The following DAB1 variants were observed in gnomAD, a reference collection of about 807,000 sequenced individuals.
DAB1 encodes DAB adaptor protein 1.
In DAB1, 15 loss-of-function variants were observed where a neutral mutation model predicts 64.6. That is an observed-to-expected ratio of 0.23 (90% CI 0.16 to 0.36). The LOEUF (loss-of-function observed/expected upper bound fraction) is 0.36. Among genes scored for constraint, DAB1 ranks in the 10% least tolerant of loss-of-function variants. The pLI, the probability that DAB1 is intolerant of heterozygous loss-of-function variation, is 1.00. For missense variants in DAB1, 596 were observed against 706.7 expected (o/e 0.84, Z 1.78); for synonymous variants, 235 against 251.9 (o/e 0.93, Z 0.64).
chr1:57,410,255 CT>C (rs1684000782), intron 1 of DAB1, among the ~76,000 whole-genome samples: 1 of 152,100 alleles, frequency 6.6e-6, no homozygotes, highest in Non-Finnish European at 1.5e-5. Flanking sequence ...TCCCCCTCTA[CT>C]GTAAAAAAAG....
intron 2 of DAB1, among the ~76,000 whole-genome samples, chr1:57,234,734 G>A (rs1667965620): frequency 6.6e-6 from 1 of 152,092 alleles, no homozygotes; most frequent in Non-Finnish European, 1.5e-5. Flanking sequence ...GCTCTTACCT[G>A]GAGGCTCTGA....
intron 1 of DAB1, among the ~76,000 whole-genome samples, chr1:57,331,831 A>G (rs1177277169): frequency 5.3e-5 from 8 of 152,178 alleles, no homozygotes; most frequent in Non-Finnish European, 1.2e-4. Flanking sequence ...AGCCACTTTG[A>G]GCTCATAAAG....
At chr1:58,463,383 AGAAG>A (rs1229196030) in intron 3 of DAB1, among the ~76,000 whole-genome samples, 3 of 152,184 alleles carry the variant, frequency 2.0e-5, no homozygotes, top group African/African-American at 7.2e-5. Context: ...GGCTCCAAGG[AGAAG>A]GTGTGAACCT....
intron 3 of DAB1, among the ~76,000 whole-genome samples, chr1:58,500,189 AT>A (rs913160544): frequency 2.0e-5 from 3 of 151,998 alleles, no homozygotes; most frequent in Non-Finnish European, 2.9e-5. Context: ...GCACCATAAT[AT>A]TTTTTTTAAG....
intron 6 of DAB1, among the ~76,000 whole-genome samples, chr1:57,670,947 A>G (rs560274104): frequency 6.6e-6 from 1 of 152,172 alleles, no homozygotes; most frequent in South Asian, 2.1e-4. Context: ...TGTAACCTAC[A>G]GGCATCCTCC....
chr1:58,297,338 G>T (rs1427236764), intron 4 of DAB1, among the ~76,000 whole-genome samples: 1 of 152,166 alleles, frequency 6.6e-6, no homozygotes, highest in Admixed American at 6.6e-5. Flanking sequence ...AAATTCAAGT[G>T]TACATAAGGC....
At chr1:58,043,302 A>G (rs941596685) in intron 5 of DAB1, among the ~76,000 whole-genome samples, 2 of 152,256 alleles carry the variant, frequency 1.3e-5, no homozygotes, top group African/African-American at 4.8e-5. Flanking sequence ...GTCAAGTAAT[A>G]TAATTTCATA....
chr1:58,466,127 AC>A (rs1183685410), intron 3 of DAB1, among the ~76,000 whole-genome samples: 21 of 151,820 alleles, frequency 1.4e-4, no homozygotes, highest in Non-Finnish European at 2.8e-4. Flanking sequence ...GCCCCTGGCC[AC>A]CCCCAGCCAA....
chr1:57,979,756 CT>C (rs1267472265), intron 5 of DAB1, among the ~76,000 whole-genome samples: 1 of 152,128 alleles, frequency 6.6e-6, no homozygotes, highest in Non-Finnish European at 1.5e-5. Context: ...TTTTACTCAT[CT>C]GTAAAATGGG....
At chr1:58,055,995 C>A (rs1648044236) in intron 5 of DAB1, 1 of 681,328 alleles carries the variant, frequency 1.5e-6, no homozygotes, top group Admixed American at 2.3e-5. Context: ...GCCTCGGCCT[C>A]ACACAGTGCT....
Position 57,738,223 on chromosome 1 carries a change from T to C in DAB1, n.552-88558A>G, listed in dbSNP as rs1327106299. Among the ~76,000 whole-genome samples the C allele has an allele frequency of 2.0e-5, 3 of 152,348 alleles. No individual in the cohort carries two copies. The East Asian group carries it at 5.8e-4, about 29-fold the overall frequency. On this transcript the variant is annotated intron_variant and non_coding_transcript_variant, in intron 6 of 20. Transcript: ENST00000485760. ...AGGTAGAAAACAGAGACTTGAGTAT[T>C]ACAGACTCTTTTGAAGGTAGGAAGT...
chr1:57,427,026 G>T (rs992101973), upstream of DAB1, among the ~76,000 whole-genome samples: 2 of 151,594 alleles, frequency 1.3e-5, no homozygotes, highest in African/African-American at 4.9e-5. Flanking sequence ...ACCGCTCCCG[G>T]CTAATTTTTT....
intron 4 of DAB1, among the ~76,000 whole-genome samples, chr1:58,150,834 C>T (rs967516011): frequency 2.4e-4 from 37 of 152,116 alleles, no homozygotes; most frequent in Middle Eastern, 6.8e-3. Context: ...GCTTTCCCTC[C>T]CCCCACCGTC....
intron 6 of DAB1, among the ~76,000 whole-genome samples, chr1:57,686,577 A>C (rs1646700387): frequency 6.6e-6 from 1 of 152,168 alleles, no homozygotes; most frequent in Admixed American, 6.5e-5. Flanking sequence ...TCTGATGCCA[A>C]AATCTGTCAG....
chr1:57,625,043 G>A (rs1335569488), intron 7 of DAB1, among the ~76,000 whole-genome samples: 2 of 152,032 alleles, frequency 1.3e-5, no homozygotes, highest in East Asian at 1.9e-4. Flanking sequence ...ACAAGTCAAA[G>A]CCCCCTGCAT....
At chr1:58,509,869 T>C (rs1326095108) in intron 2 of DAB1, among the ~76,000 whole-genome samples, 7 of 152,040 alleles carry the variant, frequency 4.6e-5, no homozygotes, top group Non-Finnish European at 8.8e-5. Context: ...TGAACAATTA[T>C]ATGCCCACAA....
At chr1:58,079,735 G>A (rs1454464355) in intron 5 of DAB1, among the ~76,000 whole-genome samples, 1 of 151,658 alleles carries the variant, frequency 6.6e-6, no homozygotes, top group Non-Finnish European at 1.5e-5. Flanking sequence ...TGGCCACGTT[G>A]ACCTTGAACT....
At chr1:58,167,108 T>A (rs1222881856) in intron 4 of DAB1, among the ~76,000 whole-genome samples, 3 of 152,104 alleles carry the variant, frequency 2.0e-5, no homozygotes, top group Admixed American at 2.0e-4. Flanking sequence ...CATTTTACAT[T>A]TTCACTAGCA....
At chr1:57,592,550 G>A (rs1164913827) in intron 7 of DAB1, among the ~76,000 whole-genome samples, 5 of 151,890 alleles carry the variant, frequency 3.3e-5, no homozygotes, top group Non-Finnish European at 7.4e-5. Flanking sequence ...TCAGGTCATA[G>A]ACAATAGAAA....
Sources: allele counts gnomAD v4.1 joint callset (sites outside exome capture counted in the v4.1 genomes callset), GRCh38; gene constraint gnomAD v4.1.1; transcripts MANE v1.5; gene names NCBI Gene and HGNC (gene_info 2026-07-23, HGNC 2026-07-21).